The following EYA1 variants were observed in gnomAD, a reference collection of about 807,000 sequenced individuals.
EYA1 encodes EYA transcriptional coactivator and phosphatase 1, also known as protein phosphatase EYA1.
EYA1 carries 16 observed loss-of-function variants against 82.0 expected under a neutral mutation model. That is an observed-to-expected ratio of 0.20 (90% confidence interval 0.13 to 0.30). The LOEUF (loss-of-function observed/expected upper bound fraction) is 0.30. Ranked by LOEUF, EYA1 falls within the 10% of genes least tolerant of loss-of-function variation. The pLI is 1.00. For synonymous variants in EYA1, 261 were observed against 264.4 expected, an observed-to-expected ratio of 0.99 and a Z score of 0.12; for missense variants, 633 against 730.7, an observed-to-expected ratio of 0.87 and a Z score of 1.54.
intron 2 of EYA1, among the ~76,000 whole-genome samples, chr8:71,388,924 G>T (rs933715941): frequency 6.6e-6 from 1 of 152,046 alleles, no homozygotes; most frequent in Non-Finnish European, 1.5e-5. Context: ...GACTCAGGAG[G>T]CCTGCCAGTT....
chr8:71,238,909 C>A (rs1812154982), intron 12 of EYA1, among the ~76,000 whole-genome samples: 1 of 151,880 alleles, frequency 6.6e-6, no homozygotes, highest in South Asian at 2.1e-4. Flanking sequence ...CTGCTAAGTA[C>A]AATGTTTGCT....
chr8:71,379,648 C>G (rs1828580054), intron 2 of EYA1, among the ~76,000 whole-genome samples: 1 of 152,174 alleles, frequency 6.6e-6, no homozygotes, highest in Non-Finnish European at 1.5e-5. Flanking sequence ...TAACAGACAA[C>G]TTCTTCTGTG....
At chr8:71,449,505 C>T (rs755079966) in intron 2 of EYA1, among the ~76,000 whole-genome samples, 6 of 152,176 alleles carry the variant, frequency 3.9e-5, no homozygotes, top group Non-Finnish European at 8.8e-5. Flanking sequence ...GATCTCAACA[C>T]TGGGCTTAAA....
chr8:71,411,996 T>C (rs912821101), intron 2 of EYA1, among the ~76,000 whole-genome samples: 10 of 152,134 alleles, frequency 6.6e-5, no homozygotes, highest in Admixed American at 3.9e-4. Context: ...CCAAAAACGA[T>C]AGACTGCATT....
intron 2 of EYA1, among the ~76,000 whole-genome samples, chr8:71,398,002 T>C (rs570509085): frequency 2.6e-5 from 4 of 152,308 alleles, no homozygotes; most frequent in East Asian, 1.9e-4. Flanking sequence ...TTAATCTTTT[T>C]TCTCTCAACT....
chr8:71,447,932 A>G (rs891802732), intron 2 of EYA1, among the ~76,000 whole-genome samples: 10 of 152,000 alleles, frequency 6.6e-5, no homozygotes, highest in Admixed American at 6.6e-4. Flanking sequence ...TAAGACAACA[A>G]TAAAGTTTGC....
At chr8:71,441,591 G>A (rs767343203) in intron 2 of EYA1, among the ~76,000 whole-genome samples, 3 of 152,098 alleles carry the variant, frequency 2.0e-5, no homozygotes, top group Non-Finnish European at 4.4e-5. Flanking sequence ...TAAAAATAAA[G>A]AATATTGGTT....
At chr8:71,519,837 A>G (rs1813254631) in intron 2 of EYA1, among the ~76,000 whole-genome samples, 1 of 152,148 alleles carries the variant, frequency 6.6e-6, no homozygotes, top group South Asian at 2.1e-4. Flanking sequence ...GGATAAATTA[A>G]TTTCTGGAGC....
At position 71,535,678 on chromosome 8, in the gene EYA1, TA is replaced by T; in HGVS notation, c.33+65del. On this transcript the variant is annotated intron_variant, in intron 2 of 18. Coordinates refer to the EYA1 transcript ENST00000643681. ...AATCTTCCAGATACTCGGGTTACAA[TA>T]AAAATGCCATGATGATTTTAAAAGT... 3.3e-6 allele frequency: 4 copies of T among 1,197,772 alleles called. No individual in the cohort carries two copies. The Admixed American group carries it at 6.7e-5, about 20-fold the overall frequency. The allele number at this position is 1,197,772 out of a possible 1,614,324, so 74.2% of individuals were successfully genotyped here.
chr8:71,264,041 G>A (rs368634320), intron 11 of EYA1, among the ~76,000 whole-genome samples: 36 of 152,236 alleles, frequency 2.4e-4, no homozygotes, highest in South Asian at 1.5e-3. Flanking sequence ...CATATGGCCC[G>A]CAAAGCCTGA....
Position 71,546,615 on chromosome 8 carries a change from C to T in EYA1, c.-73+1249G>A, listed in dbSNP as rs151004061. ...CTCCCTGGTTCAGACAATTCCCCTG[C>T]CTCAGCCTCCCGAGTAGCTGGGATT... is the stretch of plus-strand genomic sequence containing the variant. On this transcript the variant is annotated intron_variant, in intron 1 of 18. Transcript: ENST00000643681. 5.8e-3 allele frequency among the ~76,000 whole-genome samples: 876 copies of T among 151,970 alleles called. 12 individuals carry two copies. Among genetic ancestry groups the T allele is most frequent in the African/African-American group, 0.019 (805 of 41,406 alleles).
intron 11 of EYA1, among the ~76,000 whole-genome samples, chr8:71,253,878 G>A (rs921390212): frequency 2.6e-5 from 4 of 152,144 alleles, no homozygotes; most frequent in Non-Finnish European, 5.9e-5. Context: ...AGCTATTCAA[G>A]AAGAGTTGAT....
chr8:71,310,824 C>T (rs1821257787), intron 7 of EYA1, among the ~76,000 whole-genome samples: 1 of 151,614 alleles, frequency 6.6e-6, no homozygotes, highest in Non-Finnish European at 1.5e-5. Context: ...TGACATAGAC[C>T]TCTCCACTTC....
chr8:71,325,308 C>T lies in EYA1; in HGVS notation c.203-3040G>A, dbSNP rs552787589. Among the ~76,000 whole-genome samples the T allele has an allele frequency of 1.1e-4, 17 of 152,244 alleles. No homozygotes were observed. The South Asian group carries it at 2.5e-3, about 22-fold the overall frequency. On this transcript the variant is annotated intron_variant, in intron 4 of 17. Coordinates refer to ENST00000340726, the MANE Select transcript of EYA1 (RefSeq NM_000503.6). Reference sequence around the variant, plus strand: ...AGTCATCATTTTCCCTTTAGGATAACGTCTTCCTTCTCTGTACTTTCTTGG... The same window carrying T: ...AGTCATCATTTTCCCTTTAGGATAATGTCTTCCTTCTCTGTACTTTCTTGG...
chr8:71,400,103 T>C (rs76397382), intron 2 of EYA1, among the ~76,000 whole-genome samples: 4 of 151,882 alleles, frequency 2.6e-5, no homozygotes, highest in East Asian at 1.9e-4. Context: ...ATGCAGAAAA[T>C]TGAAACTGGA....
chr8:71,228,524 T>C (rs1810823974), intron 12 of EYA1, among the ~76,000 whole-genome samples: 1 of 152,196 alleles, frequency 6.6e-6, no homozygotes, highest in African/African-American at 2.4e-5. Flanking sequence ...TCTCAAGAAG[T>C]ATAATTTAGA....
intron 3 of EYA1, among the ~76,000 whole-genome samples, chr8:71,338,492 T>A (rs1824756658): frequency 1.3e-5 from 2 of 152,012 alleles, no homozygotes. Flanking sequence ...GATCTATCTA[T>A]CAGACCATTG....
At chr8:71,453,029 T>C (rs1807524019) in intron 2 of EYA1, among the ~76,000 whole-genome samples, 1 of 152,108 alleles carries the variant, frequency 6.6e-6, no homozygotes, top group Non-Finnish European at 1.5e-5. Flanking sequence ...TGAAAAAAGA[T>C]TAGGTGAATG....
chr8:71,368,832 C>A (rs532679923), intron 2 of EYA1, among the ~76,000 whole-genome samples: 1 of 151,882 alleles, frequency 6.6e-6, no homozygotes, highest in Non-Finnish European at 1.5e-5. Flanking sequence ...CAAAATTATG[C>A]CTATTATCAA....
Sources: gnomAD v4.1 joint callset for allele counts (sites outside exome capture counted in the v4.1 genomes callset) on GRCh38, gnomAD v4.1.1 for gene constraint, MANE v1.5 for transcripts, NCBI Gene and HGNC (gene_info 2026-07-23, HGNC 2026-07-21) for gene names.